The following KIAA0825 variants were observed in gnomAD, a reference collection of about 807,000 sequenced individuals.
KIAA0825 encodes uncharacterized protein KIAA0825.
In KIAA0825, 119 loss-of-function variants were observed where a neutral mutation model predicts 147.6. The ratio of observed to expected loss-of-function variants is 0.81; its 90% confidence interval spans 0.69 to 0.94. The LOEUF (loss-of-function observed/expected upper bound fraction) is 0.94. Ranked by LOEUF, KIAA0825 falls within the 40% of genes least tolerant of loss-of-function variation. The pLI, the probability that KIAA0825 is intolerant of heterozygous loss-of-function variation, is 0.00. For synonymous variants in KIAA0825, 470 were observed against 518.1 expected, an observed-to-expected ratio of 0.91 and a Z score of 1.26; for missense variants, 1,381 against 1,472.7, an observed-to-expected ratio of 0.94 and a Z score of 1.02.
chr5:94,585,750 C>A (rs906696930), intron 1 of KIAA0825, among the ~76,000 whole-genome samples: 11 of 152,172 alleles, frequency 7.2e-5, no homozygotes, highest in Admixed American at 4.6e-4. Context: ...CTTCTCAGCA[C>A]CACGTCGCAC....
At chr5:94,585,407 A>G (rs947526161) in intron 1 of KIAA0825, among the ~76,000 whole-genome samples, 1 of 152,254 alleles carries the variant, frequency 6.6e-6, no homozygotes, top group Non-Finnish European at 1.5e-5. Context: ...CTGATGAAAC[A>G]GACTTTAAAC....
chr5:94,155,218 T>C (rs1312230023), intron 20 of KIAA0825, among the ~76,000 whole-genome samples: 5 of 120,546 alleles, frequency 4.1e-5, no homozygotes, highest in East Asian at 2.3e-4. Context: ...TCTTTCTTTT[T>C]TTTTTTTTTT....
chr5:94,540,841 G>A (rs960007688), intron 2 of KIAA0825, among the ~76,000 whole-genome samples: 1 of 152,168 alleles, frequency 6.6e-6, no homozygotes, highest in African/African-American at 2.4e-5. Flanking sequence ...TATTCAATTT[G>A]TTTTGGAGCA....
chr5:94,229,937 CT>C (rs953447387), intron 20 of KIAA0825, among the ~76,000 whole-genome samples: 4 of 151,848 alleles, frequency 2.6e-5, no homozygotes, highest in Admixed American at 6.6e-5. Context: ...TTCTATTTCT[CT>C]CTTTTGATTT....
chr5:94,236,066 C>G (rs1423225495), intron 20 of KIAA0825, among the ~76,000 whole-genome samples: 1 of 152,210 alleles, frequency 6.6e-6, no homozygotes, highest in African/African-American at 2.4e-5. Context: ...GCCCATGGAA[C>G]AAGGAGTAGT....
chr5:94,443,628 T>A (rs903685637), intron 13 of KIAA0825, among the ~76,000 whole-genome samples: 1 of 152,194 alleles, frequency 6.6e-6, no homozygotes, highest in African/African-American at 2.4e-5. Context: ...TTAAACTATT[T>A]TTATAAAATC....
Position 94,520,737 on chromosome 5 carries a change from A to T in KIAA0825, c.481T>A (p.Trp161Arg), listed in dbSNP as rs768097038. 1.2e-6 allele frequency: 2 copies of T among 1,613,256 alleles called. No individual in the cohort carries two copies. Among genetic ancestry groups the T allele is most frequent in the African/African-American group, 2.7e-5 (2 of 74,890 alleles). The change falls in exon 5 of 21, where the codon TGG becomes AGG. Residue 161 changes from tryptophan (W) to arginine (R), a missense_variant. Transcript: ENST00000682413. The stretch of plus-strand genomic sequence containing the variant: ...CGAAGATGCAGTCTTATATCATCCC[A>T]CATAGACTTGACATCCATAGAGGAA... The part of the protein sequence containing the change: ...DNSSMDVKSM[W>R]DDIRLHLRRF...
chr5:94,377,634 T>C (rs960529530), intron 20 of KIAA0825, among the ~76,000 whole-genome samples: 2 of 152,158 alleles, frequency 1.3e-5, no homozygotes, highest in African/African-American at 4.8e-5. Context: ...ACAATCACTG[T>C]ACTTATTCTT....
chr5:94,458,791 T>C (rs1304226261), intron 12 of KIAA0825, among the ~76,000 whole-genome samples: 1 of 152,114 alleles, frequency 6.6e-6, no homozygotes, highest in East Asian at 1.9e-4. Flanking sequence ...TAAATTTCCA[T>C]TCAGTCTATA....
At chr5:94,341,936 G>C (rs533708156) in intron 20 of KIAA0825, among the ~76,000 whole-genome samples, 1 of 152,298 alleles carries the variant, frequency 6.6e-6, no homozygotes, top group South Asian at 2.1e-4. Context: ...GCTCATGTCT[G>C]TAATCCCAGC....
intron 1 of KIAA0825, among the ~76,000 whole-genome samples, chr5:94,590,869 C>A (rs1784228378): frequency 6.6e-6 from 1 of 152,066 alleles, no homozygotes; most frequent in Admixed American, 6.5e-5. Flanking sequence ...AAAACAGTTT[C>A]TTTAAAAACA....
chr5:94,320,562 C>A (rs1207367213), intron 20 of KIAA0825, among the ~76,000 whole-genome samples: 1 of 151,756 alleles, frequency 6.6e-6, no homozygotes, highest in Non-Finnish European at 1.5e-5. Context: ...TCCTTGACAT[C>A]AACATTATGT....
At chr5:94,289,808 G>GGAGGCTGAA (rs1777810009) in intron 20 of KIAA0825, among the ~76,000 whole-genome samples, 1 of 151,972 alleles carries the variant, frequency 6.6e-6, no homozygotes, top group African/African-American at 2.4e-5. Context: ...GGGAGGCTGA[G>GGAGGCTGAA]GCAGGAAGAT....
At chr5:94,603,049 G>T (rs1786802538) in intron 1 of KIAA0825, among the ~76,000 whole-genome samples, 1 of 152,010 alleles carries the variant, frequency 6.6e-6, no homozygotes, top group Non-Finnish European at 1.5e-5. Context: ...GGCTGGTCTT[G>T]AACTCCTGAC....
intron 20 of KIAA0825, among the ~76,000 whole-genome samples, chr5:94,191,472 TA>T (rs1770674230): frequency 6.6e-6 from 1 of 152,168 alleles, no homozygotes; most frequent in Admixed American, 6.5e-5. Context: ...AGTATGCATT[TA>T]CCCAATCATT....
At chr5:94,389,852 G>C (rs914271071) in intron 18 of KIAA0825, among the ~76,000 whole-genome samples, 2 of 152,106 alleles carry the variant, frequency 1.3e-5, no homozygotes, top group Non-Finnish European at 2.9e-5. Context: ...TTTGCCTCTA[G>C]CCTCACCTAA....
chr5:94,422,657 C>G (rs996165656), intron 14 of KIAA0825, among the ~76,000 whole-genome samples: 1 of 152,086 alleles, frequency 6.6e-6, no homozygotes, highest in Non-Finnish European at 1.5e-5. Flanking sequence ...TTTTCTTTCC[C>G]TCTGCCTTCT....
chr5:94,451,045 C>T (rs1393331117), intron 13 of KIAA0825, among the ~76,000 whole-genome samples: 4 of 152,154 alleles, frequency 2.6e-5, no homozygotes, highest in Admixed American at 6.5e-5. Context: ...ACTTACCTTA[C>T]AGAACTAGTA....
Position 94,530,266 on chromosome 5 carries a change from C to T in KIAA0825, c.132-6168G>A, listed in dbSNP as rs573496194. Reference sequence around the variant, plus strand: ...AGCCTGGGCAACGAGAGTAAAACTCCGTCACAAAAAAAAAAAAAAAAAAAA... The same window carrying T: ...AGCCTGGGCAACGAGAGTAAAACTCTGTCACAAAAAAAAAAAAAAAAAAAA... On this transcript the variant is annotated intron_variant, in intron 3 of 20. Transcript: ENST00000682413. 1.1e-4 allele frequency among the ~76,000 whole-genome samples: 11 copies of T among 99,220 alleles called. No individual in the cohort carries two copies. The South Asian group carries it at 1.8e-3, about 16-fold the overall frequency. 65.1% of individuals were successfully genotyped at this position (99,220 alleles called of 152,430 possible). A position where few individuals can be genotyped will look rare whatever the true frequency, so the allele number is the denominator to read the frequency against.
Sources: allele counts gnomAD v4.1 joint callset (sites outside exome capture counted in the v4.1 genomes callset), GRCh38; gene constraint gnomAD v4.1.1; transcripts MANE v1.5; gene names NCBI Gene and HGNC (gene_info 2026-07-23, HGNC 2026-07-21).